Variants in ZUP1 observed in about 807,000 individuals in gnomAD.
ZUP1 encodes zinc finger-containing ubiquitin peptidase 1.
ZUP1 carries 55 observed loss-of-function variants against 68.1 expected under a neutral mutation model. The observed-to-expected ratio is 0.81, with a 90% CI of 0.65 to 1.01. The LOEUF is 1.01. ZUP1 is among the 50% of genes least tolerant of loss of function. The pLI is 0.00. For synonymous variants in ZUP1, 223 were observed against 221.5 expected (o/e 1.01, Z -0.06); for missense variants, 684 against 674.9 (o/e 1.01, Z -0.15).
At chr6:116,642,733 C>G (rs1284099069) in intron 9 of ZUP1, among the ~76,000 whole-genome samples, 1 of 152,062 alleles carries the variant, frequency 6.6e-6, no homozygotes, top group Non-Finnish European at 1.5e-5. Context: ...CAATATCATA[C>G]TGAATGGGCA....
chr6:116,652,639 T>C (rs1776547077), intron 5 of ZUP1, among the ~76,000 whole-genome samples: 1 of 152,162 alleles, frequency 6.6e-6, no homozygotes, highest in Non-Finnish European at 1.5e-5. Context: ...ACACAAATGT[T>C]TTCATTTAAA....
intron 5 of ZUP1, 114 bp downstream of exon 5, chr6:116,656,569 TA>T (rs1160792446): frequency 9.9e-6 from 8 of 807,148 alleles, no homozygotes; most frequent in African/African-American, 3.6e-5. Context: ...AATACATTTT[TA>T]AAAAAATATT....
At chr6:116,658,270 C>T (rs140436701) in intron 4 of ZUP1, among the ~76,000 whole-genome samples, 60 of 152,192 alleles carry the variant, frequency 3.9e-4, no homozygotes, top group East Asian at 3.3e-3. Context: ...AACCACCCAC[C>T]TAAGATAAAT....
Position 116,647,610 on chromosome 6 carries a change from C to A in ZUP1, c.1317G>T (p.Lys439Asn). Residue 439 changes from lysine to asparagine, a missense_variant and splice_region_variant, in exon 8 of 10, where the codon AAG becomes AAT. Transcript: ENST00000368576. The stretch of plus-strand genomic sequence containing the variant: ...ATTTGTGAAAATCAACAATATGACA[C>A]CTATTAAAAATTGACAAAATGCACA... Reference protein sequence around the residue: ...VYILLTSLRVKCHIVDFHKST... With the variant: ...VYILLTSLRVNCHIVDFHKST... 2 of 1,518,080 alleles carry A rather than the reference C, an allele frequency of 1.3e-6. No homozygotes were observed. Among genetic ancestry groups the A allele is most frequent in the Non-Finnish European group, 1.8e-6 (2 of 1,120,644 alleles). 94.0% of individuals were successfully genotyped at this position (1,518,080 alleles called of 1,614,324 possible). A position where few individuals can be genotyped will look rare whatever the true frequency, so the allele number is the denominator to read the frequency against.
intron 7 of ZUP1, among the ~76,000 whole-genome samples, chr6:116,649,331 A>C (rs1776409267): frequency 6.6e-6 from 1 of 152,200 alleles, no homozygotes; most frequent in African/African-American, 2.4e-5. Flanking sequence ...ACAGACATCT[A>C]TCTCTATTTC....
At chr6:116,654,363 C>G (rs1239385290) in intron 5 of ZUP1, among the ~76,000 whole-genome samples, 1 of 151,918 alleles carries the variant, frequency 6.6e-6, no homozygotes. Flanking sequence ...GCTATAAGGA[C>G]TGTTATAAAC....
intron 7 of ZUP1, among the ~76,000 whole-genome samples, chr6:116,648,263 T>C (rs775966889): frequency 2.0e-5 from 3 of 152,236 alleles, no homozygotes; most frequent in Non-Finnish European, 4.4e-5. Flanking sequence ...CTGTTTATAC[T>C]ACTCAACAAC....
chr6:116,666,328 A>G (rs1777008213), intron 2 of ZUP1, among the ~76,000 whole-genome samples: 2 of 152,324 alleles, frequency 1.3e-5, no homozygotes, highest in South Asian at 4.1e-4. Flanking sequence ...AACTCAATGC[A>G]AAGTCAGAGA....
intron 9 of ZUP1, among the ~76,000 whole-genome samples, chr6:116,640,736 G>A (rs1453697239): frequency 6.6e-6 from 1 of 151,830 alleles, no homozygotes; most frequent in Non-Finnish European, 1.5e-5. Context: ...GCAAAATCAT[G>A]CCAAAATGTA....
intron 5 of ZUP1, among the ~76,000 whole-genome samples, chr6:116,652,784 T>G (rs992290746): frequency 6.6e-6 from 1 of 152,106 alleles, no homozygotes; most frequent in African/African-American, 2.4e-5. Context: ...CAACTTTTCT[T>G]AAGGCAGAAC....
chr6:116,667,259 T>C lies in ZUP1; in HGVS notation c.-15-52A>G, dbSNP rs1777042323. The C allele has an allele frequency of 3.2e-6, 4 of 1,266,158 alleles. No homozygotes were observed. In the African/African-American group the frequency reaches 4.6e-5, roughly 14 times the overall value. The allele number at this position is 1,266,158 out of a possible 1,614,324, so 78.4% of individuals were successfully genotyped here. A position where few individuals can be genotyped will look rare whatever the true frequency, so the allele number is the denominator to read the frequency against. ...CAAAGATTTGAAGAAAAAATGTGTT[T>C]CATAAAATGATTTGAGACAATTACT... On this transcript the variant is annotated intron_variant, in intron 1 of 9. Coordinates refer to ENST00000368576, the MANE Select transcript of ZUP1 (RefSeq NM_145062.3).
At position 116,640,755 on chromosome 6, in the gene ZUP1, C is replaced by T. The variant is rs899189057; in HGVS notation, c.1690-4876G>A. ...AATCATGCCAAAATGTAAAGACCAT[C>T]GAGACTAGGAAGAAACTGCATCAAC... is the stretch of plus-strand genomic sequence containing the variant. On this transcript the variant is annotated intron_variant, in intron 9 of 9. Coordinates refer to ENST00000368576, the MANE Select transcript of ZUP1 (RefSeq NM_145062.3). 7.3e-4 allele frequency among the ~76,000 whole-genome samples: 111 copies of T among 151,938 alleles called. No individual in the cohort carries two copies. The Middle Eastern group carries it at 0.01, about 14-fold the overall frequency.
intron 2 of ZUP1, among the ~76,000 whole-genome samples, chr6:116,665,948 C>A (rs183385573): frequency 5.9e-5 from 9 of 152,028 alleles, no homozygotes; most frequent in Admixed American, 2.0e-4. Flanking sequence ...AATGTGTACA[C>A]ACCAACAATA....
intron 9 of ZUP1, among the ~76,000 whole-genome samples, chr6:116,640,462 G>A (rs1398320036): frequency 6.6e-6 from 1 of 152,048 alleles, no homozygotes; most frequent in Non-Finnish European, 1.5e-5. Flanking sequence ...CCCACAAAGG[G>A]AAGCCCATCA....
At chr6:116,648,037 T>G (rs1377051647) in intron 7 of ZUP1, among the ~76,000 whole-genome samples, 1 of 152,218 alleles carries the variant, frequency 6.6e-6, no homozygotes, top group African/African-American at 2.4e-5. Flanking sequence ...ATTTCTGATT[T>G]TAATTCCTCA....
At position 116,652,174 on chromosome 6, in the gene ZUP1, T is replaced by C. The variant is rs761916535; in HGVS notation, c.980A>G (p.His327Arg). ...TKTSGIIEAL[H>R]RYYQNAATDV... is the part of the protein sequence containing the mutation. The stretch of plus-strand genomic sequence containing the variant: ...TGTGGCAGCATTCTGATAATACCTA[T>C]GAAGTGCTTCAATAATTCCTAAAGT... Residue 327 changes from histidine to arginine, a missense_variant, in exon 6 of 10, where the codon CAT becomes CGT. Coordinates refer to ENST00000368576, the MANE Select transcript of ZUP1 (RefSeq NM_145062.3). 6.2e-6 allele frequency: 10 copies of C among 1,612,040 alleles called. No individual in the cohort carries two copies. In the Admixed American group the frequency reaches 1.3e-4, roughly 22 times the overall value.
At chr6:116,666,167 G>A (rs779753413) in intron 2 of ZUP1, among the ~76,000 whole-genome samples, 16 of 151,928 alleles carry the variant, frequency 1.1e-4, no homozygotes, top group Non-Finnish European at 2.1e-4. Context: ...ACCCAACAAA[G>A]CAGAATACAC....
chr6:116,655,751 T>C (rs139461896), intron 5 of ZUP1, among the ~76,000 whole-genome samples: 2 of 152,326 alleles, frequency 1.3e-5, no homozygotes, highest in South Asian at 2.1e-4. Context: ...TAAGCAACAG[T>C]GACCTCATTT....
chr6:116,667,930 A>T (rs957975243), intron 1 of ZUP1, among the ~76,000 whole-genome samples: 6 of 152,248 alleles, frequency 3.9e-5, no homozygotes, highest in Admixed American at 3.9e-4. Context: ...TCTGAGGTTC[A>T]GTCAAAGACT....
Sources: allele counts gnomAD v4.1 joint callset (sites outside exome capture counted in the v4.1 genomes callset), GRCh38; gene constraint gnomAD v4.1.1; transcripts MANE v1.5; gene names NCBI Gene and HGNC (gene_info 2026-07-23, HGNC 2026-07-21).